The following NFE2L2 variants were observed in gnomAD, a reference collection of about 807,000 sequenced individuals.
NFE2L2 encodes the protein nuclear factor erythroid 2-related factor 2.
In NFE2L2, 20 loss-of-function variants were observed where a neutral mutation model predicts 49.6. The ratio of observed to expected loss-of-function variants is 0.40; its 90% CI spans 0.28 to 0.59. The LOEUF (loss-of-function observed/expected upper bound fraction) is 0.59, where lower values mean the gene tolerates loss of function less well. Ranked by LOEUF, NFE2L2 falls within the 20% of genes least tolerant of loss-of-function variation. NFE2L2 has a pLI of 0.40. For missense variants in NFE2L2, 578 were observed against 714.2 expected (o/e 0.81, Z 2.17); for synonymous variants, 244 against 256.5 (o/e 0.95, Z 0.47).
Position 177,231,585 on chromosome 2 carries a change from T to G in NFE2L2, c.1018A>C (p.Asn340His), listed in dbSNP as rs1461941202. ...AGTGAAATGCCGGAGTCAGAATCAT[T>G]GAATTCTGCTGTGCTTTCAGGGTGG... is the stretch of plus-strand genomic sequence containing the variant. ...QNHPESTAEF[N>H]DSDSGISLNT... Residue 340 changes from asparagine to histidine, a missense_variant, in exon 5 of 5, where the codon AAT (asparagine) becomes CAT (histidine). This residue lies in a region of NFE2L2 where 368 missense variants were observed against 384.6 expected (regional missense o/e 0.96). Transcript: ENST00000397062. 3.7e-6 allele frequency: 6 copies of G among 1,614,202 alleles called. No homozygotes were observed. Among genetic ancestry groups the G allele is most frequent in the Middle Eastern group, 1.6e-4 (1 of 6,062 alleles).
intron 1 of NFE2L2, among the ~76,000 whole-genome samples, chr2:177,245,410 T>C (rs1369833592): frequency 6.6e-6 from 1 of 152,188 alleles, no homozygotes; most frequent in Non-Finnish European, 1.5e-5. Context: ...TGCCAAGTTA[T>C]TTGGCAGAGG....
At chr2:177,260,195 T>C (rs1432530779) in intron 1 of NFE2L2, among the ~76,000 whole-genome samples, 1 of 152,202 alleles carries the variant, frequency 6.6e-6, no homozygotes, top group Admixed American at 6.5e-5. Flanking sequence ...ATAATGAATA[T>C]ACATTTCTAC....
chr2:177,250,655 C>T (rs927741559), intron 1 of NFE2L2, among the ~76,000 whole-genome samples: 5 of 152,208 alleles, frequency 3.3e-5, no homozygotes, highest in African/African-American at 9.7e-5. Context: ...GAAGACATCG[C>T]CCCATCTGAT....
In NFE2L2 at chr2:177,230,714, A is replaced by C; in HGVS notation, c.*71T>G. ...ATTACTTATAAAGTATGAGCATTTC[A>C]CATCACAGTAGGAGCTTTTAGTATA... On this transcript the variant is annotated 3_prime_UTR_variant, in exon 5 of 5. Transcript: ENST00000397062. The C allele has an allele frequency of 6.8e-7, 1 of 1,468,978 alleles. No homozygotes were observed. The allele number at this position is 1,468,978 out of a possible 1,614,324, so 91.0% of individuals were successfully genotyped here.
Position 177,250,723 on chromosome 2 carries a change from A to T in NFE2L2, c.45+13809T>A, listed in dbSNP as rs1344258896. 2.0e-5 allele frequency among the ~76,000 whole-genome samples: 3 copies of T among 152,278 alleles called. No homozygotes were observed. The South Asian group carries it at 6.2e-4, about 32-fold the overall frequency. ...TCTTAAAGAACCAGAGTTCCTATCC[A>T]CTCGAGGCTTCCTCAGGGAGGCTGC... is the stretch of plus-strand genomic sequence containing the variant. On this transcript the variant is annotated intron_variant, in intron 1 of 4. Coordinates refer to ENST00000397062, the MANE Select transcript of NFE2L2 (RefSeq NM_006164.5).
chr2:177,230,792 T>G lies in NFE2L2; in HGVS notation c.1811A>C (p.Lys604Thr), dbSNP rs1015105997. The change falls in exon 5 of 5, where the codon AAA (lysine) becomes ACA (threonine). Residue 604 changes from lysine (K) to threonine (T), a missense_variant. Lys to Thr is a moderately conservative substitution (Grantham distance 78). Transcript: ENST00000397062. ...VPKSKKPDVKKN is the reference protein window; with the variant it reads ...VPKSKKPDVKTN Reference sequence around the variant, plus strand: ...GGTCAAATCCTCCTAAATCTAGTTTTTCTTAACATCTGGCTTCTTACTTTT... The same window carrying G: ...GGTCAAATCCTCCTAAATCTAGTTTGTCTTAACATCTGGCTTCTTACTTTT... 1 of 1,578,724 alleles carries G rather than the reference T, an allele frequency of 6.3e-7. No individual in the cohort carries two copies. Among genetic ancestry groups the G allele is most frequent in the African/African-American group, 1.4e-5 (1 of 72,896 alleles).
At chr2:177,264,250 TC>T (rs1690856716) in intron 1 of NFE2L2, 1 of 370,570 alleles carries the variant, frequency 2.7e-6, no homozygotes, top group East Asian at 4.3e-5. Context: ...GGCTGGATTC[TC>T]CCCCAAGGCC....
chr2:177,257,010 G>A lies in NFE2L2; in HGVS notation c.45+7522C>T, dbSNP rs367755542. Among the ~76,000 whole-genome samples, 244 of 152,366 alleles carry A rather than the reference G, an allele frequency of 1.6e-3. 1 individual carries two copies. Among genetic ancestry groups the A allele is most frequent in the African/African-American group, 5.7e-3 (236 of 41,586 alleles). ...CCACACACAAGTTGCCAACAGTTTG[G>A]AAGTTAGCCCCAGTTTCCAAATATG... On this transcript the variant is annotated intron_variant, in intron 1 of 4. Coordinates refer to ENST00000397062, the MANE Select transcript of NFE2L2 (RefSeq NM_006164.5).
chr2:177,233,775 G>C (rs1464895567), intron 2 of NFE2L2: 3 of 599,976 alleles, frequency 5.0e-6, no homozygotes, highest in African/African-American at 3.7e-5. Context: ...AAACTCTTTG[G>C]TGTAACTTAA....
intron 1 of NFE2L2, among the ~76,000 whole-genome samples, chr2:177,250,036 C>G (rs1690277898): frequency 6.6e-6 from 1 of 152,128 alleles, no homozygotes; most frequent in Non-Finnish European, 1.5e-5. Context: ...AAAATTCACC[C>G]TTCCAAAATA....
At chr2:177,232,371 A>G (rs1439725068) in intron 4 of NFE2L2, 21 bp downstream of exon 4, 2 of 1,598,760 alleles carry the variant, frequency 1.3e-6, no homozygotes, top group Non-Finnish European at 1.7e-6. Flanking sequence ...AATCTCCAGT[A>G]TTACATTCTA....
chr2:177,261,170 C>CAAAAAAAAAAAAAAAAAAAA (rs59040355), intron 1 of NFE2L2, among the ~76,000 whole-genome samples: 1 of 120,140 alleles, frequency 8.3e-6, no homozygotes, highest in Non-Finnish European at 1.7e-5. Context: ...GACTTCATCT[C>CAAAAAAAAAAAAAAAAAAAA]AAAAAAAAAA....
At chr2:177,263,562 C>A (rs1574288734) in intron 1 of NFE2L2, 2 of 985,494 alleles carry the variant, frequency 2.0e-6, no homozygotes, top group Non-Finnish European at 2.4e-6. Flanking sequence ...GAGGTTTGCA[C>A]GCTATAAAGC....
At chr2:177,232,262 G>A (rs1689580330) in intron 4 of NFE2L2, 130 bp downstream of exon 4, 4 of 973,668 alleles carry the variant, frequency 4.1e-6, no homozygotes, top group Non-Finnish European at 4.4e-6. Context: ...AACTAGCATG[G>A]GCAGTACTCA....
At chr2:177,260,381 C>G (rs568485096) in intron 1 of NFE2L2, among the ~76,000 whole-genome samples, 2 of 152,276 alleles carry the variant, frequency 1.3e-5, no homozygotes, top group East Asian at 3.9e-4. Context: ...TCCTATAAGT[C>G]CTGCAGCACA....
At chr2:177,233,050 G>GTTT in intron 3 of NFE2L2, 200 bp downstream of exon 3, 6 of 446,210 alleles carry the variant, frequency 1.3e-5, no homozygotes, top group South Asian at 6.4e-5. Context: ...TGTGTGAAGG[G>GTTT]TTTTTTTTTT....
intron 2 of NFE2L2, 169 bp from the exon 3 acceptor site, chr2:177,233,508 T>C: frequency 1.6e-6 from 1 of 608,590 alleles, no homozygotes; most frequent in Non-Finnish European, 2.8e-6. Flanking sequence ...CCACATGGGT[T>C]CAGATCTTAG....
chr2:177,232,321 A>G lies in NFE2L2; in HGVS notation c.594+71T>C, dbSNP rs1019887392. ...AATCCTTCCTATAAATAGGTGGTATATAAATAATCAGAATGACTAAAGGCA... is the reference window on the plus strand; with the variant it reads ...AATCCTTCCTATAAATAGGTGGTATGTAAATAATCAGAATGACTAAAGGCA... On this transcript the variant is annotated intron_variant, in intron 4 of 4. Transcript: ENST00000397062. The G allele has an allele frequency of 8.0e-6, 11 of 1,380,172 alleles. No individual in the cohort carries two copies. The Admixed American group carries it at 2.3e-4, about 29-fold the overall frequency. 85.5% of individuals were successfully genotyped at this position (1,380,172 alleles called of 1,614,324 possible). A position where few individuals can be genotyped will look rare whatever the true frequency, so the allele number is the denominator to read the frequency against.
At chr2:177,234,406 C>T (rs1270901183) in intron 1 of NFE2L2, 135 bp from the exon 2 acceptor site, 2 of 1,015,042 alleles carry the variant, frequency 2.0e-6, no homozygotes, top group Middle Eastern at 3.2e-4. Context: ...AATGAGAACA[C>T]AGATCCAATG....
Sources: allele counts gnomAD v4.1 joint callset (sites outside exome capture counted in the v4.1 genomes callset), GRCh38; gene constraint gnomAD v4.1.1; regional missense constraint gnomAD v4.1.1; transcripts MANE v1.5; gene names NCBI Gene and HGNC (gene_info 2026-07-23, HGNC 2026-07-21).